The following TMEM132C variants were observed in gnomAD, a reference collection of about 807,000 sequenced individuals.
TMEM132C encodes protein phosphatase 1, regulatory subunit 152.
Under a neutral mutation model 61.4 loss-of-function variants are expected in TMEM132C, and 29 were observed. The ratio of observed to expected loss-of-function variants is 0.47; its 90% CI spans 0.35 to 0.64. TMEM132C has a LOEUF of 0.64. TMEM132C is among the 30% of genes least tolerant of loss of function. The probability of loss-of-function intolerance (pLI) is 0.00; values close to 1 mark genes in which losing one functional copy is unlikely to be tolerated. For synonymous variants in TMEM132C, 656 were observed against 633.1 expected (o/e 1.04, Z -0.54); for missense variants, 1,408 against 1,476.9 (o/e 0.95, Z 0.76).
chr12:128,474,352 C>T (rs922117350), intron 2 of TMEM132C, among the ~76,000 whole-genome samples: 7 of 152,156 alleles, frequency 4.6e-5, no homozygotes, highest in Admixed American at 2.6e-4. Flanking sequence ...AGTCTATGTT[C>T]CTGGATAGGC....
At chr12:128,524,012 C>CAA (rs55999607) in intron 2 of TMEM132C, among the ~76,000 whole-genome samples, 16 of 135,324 alleles carry the variant, frequency 1.2e-4, no homozygotes, top group African/African-American at 4.1e-4. Flanking sequence ...GACGCCATCT[C>CAA]AAAAAAAAAA....
intron 2 of TMEM132C, among the ~76,000 whole-genome samples, chr12:128,424,128 A>C (rs1344226805): frequency 2.0e-5 from 3 of 151,978 alleles, no homozygotes; most frequent in Non-Finnish European, 4.4e-5. Flanking sequence ...CTCAGGGCAA[A>C]GGGCAGAGTC....
chr12:128,478,559 T>C (rs1401608773), intron 2 of TMEM132C, among the ~76,000 whole-genome samples: 1 of 152,222 alleles, frequency 6.6e-6, no homozygotes. Flanking sequence ...ATTTAAACCC[T>C]ACCCAGCCTC....
chr12:128,364,251 C>T (rs1873793414), intron 1 of TMEM132C, among the ~76,000 whole-genome samples: 1 of 151,044 alleles, frequency 6.6e-6, no homozygotes, highest in Admixed American at 6.6e-5. Flanking sequence ...CCTCCTCCTT[C>T]TCCTCTCTTC....
intron 1 of TMEM132C, among the ~76,000 whole-genome samples, chr12:128,407,960 GTCTC>G (rs71449348): frequency 0.47 from 72,037 of 151,658 alleles, 17,513 homozygotes; most frequent in South Asian, 0.74. Flanking sequence ...CTCTGTCTCT[GTCTC>G]TCTCTCCTCT....
At chr12:128,427,830 G>A (rs1869247430) in intron 2 of TMEM132C, among the ~76,000 whole-genome samples, 1 of 152,218 alleles carries the variant, frequency 6.6e-6, no homozygotes, top group East Asian at 1.9e-4. Context: ...AGTGCCCATT[G>A]TCATTTTGCT....
At chr12:128,681,303 TTA>T (rs1211707376) in intron 5 of TMEM132C, among the ~76,000 whole-genome samples, 13 of 152,160 alleles carry the variant, frequency 8.5e-5, no homozygotes, top group Non-Finnish European at 1.8e-4. Flanking sequence ...TATAAGTTTT[TTA>T]TGTTTCTCCT....
rs1026828324 is a variant in TMEM132C at position 128,630,221 on chromosome 12, G to T, written c.1305+13886G>T. Among the ~76,000 whole-genome samples the T allele has an allele frequency of 4.6e-5, 7 of 152,034 alleles. No homozygotes were observed. Among genetic ancestry groups the T allele is most frequent in the Non-Finnish European group, 8.8e-5 (6 of 67,996 alleles). ...ATCTGCATCCCTAACAAGCTCCAGG[G>T]ACCCCACTTTGAGAAGCACTGCCCT... On this transcript the variant is annotated intron_variant, in intron 4 of 8. Coordinates refer to ENST00000435159, the MANE Select transcript of TMEM132C (RefSeq NM_001136103.3). The surrounding 1 kb of genome is among the most constrained non-coding windows in gnomAD (Gnocchi z 4.3).
chr12:128,355,092 T>G (rs1189701105), intron 1 of TMEM132C, among the ~76,000 whole-genome samples: 2 of 152,140 alleles, frequency 1.3e-5, no homozygotes, highest in African/African-American at 2.4e-5. Context: ...TTCAAAGACA[T>G]GAACTTTATA....
intron 2 of TMEM132C, among the ~76,000 whole-genome samples, chr12:128,461,660 A>C (rs1870537784): frequency 6.6e-6 from 1 of 152,058 alleles, no homozygotes; most frequent in Non-Finnish European, 1.5e-5. Flanking sequence ...AGCCCACCTC[A>C]TTGTTCACCA....
intron 3 of TMEM132C, among the ~76,000 whole-genome samples, chr12:128,577,136 A>G (rs1457161605): frequency 6.6e-6 from 1 of 152,112 alleles, no homozygotes; most frequent in Admixed American, 6.5e-5. Flanking sequence ...GTCTCTATGG[A>G]CTTGCCTATT....
At chr12:128,301,899 C>T (rs1871609052) in intron 1 of TMEM132C, among the ~76,000 whole-genome samples, 1 of 152,170 alleles carries the variant, frequency 6.6e-6, no homozygotes, top group African/African-American at 2.4e-5. Flanking sequence ...GCACATCTTA[C>T]ATGGTGGCAG....
At chr12:128,322,253 G>A (rs768900768) in intron 1 of TMEM132C, among the ~76,000 whole-genome samples, 6 of 152,142 alleles carry the variant, frequency 3.9e-5, no homozygotes, top group Non-Finnish European at 5.9e-5. Context: ...AAGTGTTCCC[G>A]CTGACAGTCC....
At chr12:128,452,960 A>G (rs1870226485) in intron 2 of TMEM132C, among the ~76,000 whole-genome samples, 1 of 152,218 alleles carries the variant, frequency 6.6e-6, no homozygotes, top group African/African-American at 2.4e-5. Context: ...CACTGTAAAG[A>G]AAAACATTAT....
intron 5 of TMEM132C, among the ~76,000 whole-genome samples, chr12:128,675,868 GATAGATAGATAGATAA>G (rs754863472): frequency 0.067 from 9,421 of 140,772 alleles, 310 homozygotes; most frequent in East Asian, 0.083. Context: ...TAGATAGATA[GATAGATAGATAGATAA>G]ATAGATAGAT....
At chr12:128,549,395 A>G (rs1874075529) in intron 3 of TMEM132C, among the ~76,000 whole-genome samples, 1 of 151,990 alleles carries the variant, frequency 6.6e-6, no homozygotes, top group South Asian at 2.1e-4. Flanking sequence ...GCACTCAGTA[A>G]AGCCACCATC....
chr12:128,574,315 A>G (rs2136174951), intron 3 of TMEM132C, among the ~76,000 whole-genome samples: 1 of 152,374 alleles, frequency 6.6e-6, no homozygotes, highest in Admixed American at 6.5e-5. Context: ...TTTGTATGAT[A>G]ATAGCTAATG....
chr12:128,298,355 C>T (rs1045905417), intron 1 of TMEM132C, among the ~76,000 whole-genome samples: 2 of 152,072 alleles, frequency 1.3e-5, no homozygotes, highest in Admixed American at 1.3e-4. Context: ...ACTGGTACAG[C>T]GCAAAATGTT....
chr12:128,640,702 G>A (rs972754339), intron 4 of TMEM132C, among the ~76,000 whole-genome samples: 1 of 152,126 alleles, frequency 6.6e-6, no homozygotes, highest in African/African-American at 2.4e-5. Flanking sequence ...TCAAGACCTA[G>A]GTAACATGGC....
Sources: allele counts gnomAD v4.1 joint callset (sites outside exome capture counted in the v4.1 genomes callset), GRCh38; gene constraint gnomAD v4.1.1; non-coding constraint Gnocchi (gnomAD v3.1); transcripts MANE v1.5; gene names NCBI Gene and HGNC (gene_info 2026-07-23, HGNC 2026-07-21).